ULK4: variants seen among roughly 807,000 people sequenced by gnomAD.
The protein encoded by ULK4 is unc-51 like kinase 4, also known as inactive serine/threonine-protein kinase ULK4.
ULK4 carries 133 observed loss-of-function variants against 160.6 expected under a neutral mutation model. The observed-to-expected ratio is 0.83, with a 90% CI of 0.72 to 0.96. The LOEUF is 0.96. Among genes scored for constraint, ULK4 ranks in the 40% least tolerant of loss-of-function variants. ULK4 has a pLI of 0.00. For synonymous variants in ULK4, 534 were observed against 539.8 expected (o/e 0.99, Z 0.15); for missense variants, 1,580 against 1,499.5 (o/e 1.05, Z -0.89).
chr3:41,474,183 T>C lies in ULK4; in HGVS notation c.3227-10930A>G, dbSNP rs148283451. Among the ~76,000 whole-genome samples the C allele has an allele frequency of 5.3e-3, 809 of 152,188 alleles. 8 individuals carry two copies. The highest frequency in any genetic ancestry group is 0.019 in the African/African-American group (780 of 41,514). ...AGACACATTGACCAGTAGAAAAGAA[T>C]AGAGAGCCCAGAAATGAAACACATG... is the stretch of plus-strand genomic sequence containing the variant. On this transcript the variant is annotated intron_variant, in intron 32 of 36. Coordinates refer to ENST00000301831, the MANE Select transcript of ULK4 (RefSeq NM_017886.4).
chr3:41,734,500 T>G (rs1214149607), intron 22 of ULK4, among the ~76,000 whole-genome samples: 1 of 152,082 alleles, frequency 6.6e-6, no homozygotes, highest in African/African-American at 2.4e-5. Context: ...GAAAAGTTCA[T>G]CTAAGTGTAT....
At chr3:41,411,420 C>CTTTTTT (rs556696303) in intron 34 of ULK4, among the ~76,000 whole-genome samples, 12 of 143,032 alleles carry the variant, frequency 8.4e-5, no homozygotes, top group Admixed American at 1.4e-4. Context: ...ACATTCCTTT[C>CTTTTTT]TTTTTTTTTT....
At chr3:41,943,600 C>T (rs144240004) in intron 2 of ULK4, among the ~76,000 whole-genome samples, 55 of 152,232 alleles carry the variant, frequency 3.6e-4, no homozygotes, top group African/African-American at 1.3e-3. Flanking sequence ...ACCATTCACA[C>T]CTCCTCTTTC....
In ULK4 at chr3:41,558,965, T is replaced by C. The variant is rs567150663; in HGVS notation, c.3226+7060A>G. 1.3e-4 allele frequency among the ~76,000 whole-genome samples: 17 copies of C among 135,714 alleles called. 2 individuals are homozygous for C. The highest frequency in any genetic ancestry group is 4.3e-4 in the East Asian group (2 of 4,674). The allele number at this position is 135,714 out of a possible 152,430, so 89.0% of individuals were successfully genotyped here. A position where few individuals can be genotyped will look rare whatever the true frequency, so the allele number is the denominator to read the frequency against. ...TATGTATACATGTGCCATGCTGGTG[T>C]GCTGCACCCATTAACTCATCATTTA... On this transcript the variant is annotated intron_variant, in intron 32 of 36. Transcript: ENST00000301831.
chr3:41,837,333 C>T (rs1223493551), intron 17 of ULK4, among the ~76,000 whole-genome samples: 7 of 152,130 alleles, frequency 4.6e-5, no homozygotes, highest in Non-Finnish European at 8.8e-5. Flanking sequence ...ATCAAGATAA[C>T]AAAAGCCCTC....
intron 22 of ULK4, among the ~76,000 whole-genome samples, chr3:41,726,494 G>A (rs73828237): frequency 9.8e-5 from 15 of 152,302 alleles, no homozygotes; most frequent in East Asian, 5.8e-4. Context: ...AGCGTTCTAC[G>A]AAAAGCAGCA....
At chr3:41,668,036 T>C (rs1413932364) in intron 29 of ULK4, among the ~76,000 whole-genome samples, 2 of 152,162 alleles carry the variant, frequency 1.3e-5, no homozygotes, top group Non-Finnish European at 2.9e-5. Context: ...TGAGAAAATA[T>C]TCTGAGGTAT....
intron 29 of ULK4, among the ~76,000 whole-genome samples, 194 bp from the exon 30 acceptor site, chr3:41,663,893 A>T (rs1033590657): frequency 2.0e-5 from 3 of 152,224 alleles, no homozygotes; most frequent in African/African-American, 7.2e-5. Context: ...TTGAAATAAG[A>T]GAATAAACCA....
In ULK4 at chr3:41,607,769, G is replaced by C. The variant is rs947311567; in HGVS notation, c.3120+7900C>G. ...ATAAATATTACATGGTCATTAAATA[G>C]AATAAAAAATACCCATGGGCATACA... On this transcript the variant is annotated intron_variant, in intron 31 of 36. Coordinates refer to ENST00000301831, the MANE Select transcript of ULK4 (RefSeq NM_017886.4). 2.0e-5 allele frequency among the ~76,000 whole-genome samples: 3 copies of C among 152,106 alleles called. No individual in the cohort carries two copies. In the South Asian group the frequency reaches 6.2e-4, roughly 32 times the overall value.
At chr3:41,373,388 T>C (rs2081412564) in intron 35 of ULK4, among the ~76,000 whole-genome samples, 1 of 152,068 alleles carries the variant, frequency 6.6e-6, no homozygotes, top group Admixed American at 6.6e-5. Context: ...TAATTGGAAG[T>C]AAACACTCCT....
chr3:41,945,071 T>A (rs893882499), intron 2 of ULK4, among the ~76,000 whole-genome samples: 7 of 152,172 alleles, frequency 4.6e-5, no homozygotes, highest in South Asian at 4.1e-4. Context: ...TGGAAAGAAT[T>A]CCCAAAACCA....
intron 31 of ULK4, among the ~76,000 whole-genome samples, chr3:41,597,760 G>A (rs1232484742): frequency 6.6e-6 from 1 of 152,104 alleles, no homozygotes; most frequent in African/African-American, 2.4e-5. Context: ...AATTCTTAAG[G>A]AAGACAAAAA....
chr3:41,734,463 G>T (rs534820105), intron 22 of ULK4, among the ~76,000 whole-genome samples: 1 of 152,090 alleles, frequency 6.6e-6, no homozygotes, highest in Non-Finnish European at 1.5e-5. Context: ...AATTGAATAC[G>T]TTAAGATAAT....
At chr3:41,509,157 C>T (rs1232249748) in intron 32 of ULK4, among the ~76,000 whole-genome samples, 1 of 151,964 alleles carries the variant, frequency 6.6e-6, no homozygotes, top group Non-Finnish European at 1.5e-5. Context: ...ATGAAGAACA[C>T]ACTTAGAGAA....
chr3:41,918,570 A>G, intron 6 of ULK4, 30 bp from the exon 7 acceptor site: 1 of 1,168,098 alleles, frequency 8.6e-7, no homozygotes, highest in Non-Finnish European at 1.2e-6. Context: ...TGCAAAATGA[A>G]AGAAGTCTGC....
rs1268767147 is a variant in ULK4 at position 41,455,537 on chromosome 3, T to C, written c.3452A>G (p.Asn1151Ser). Residue 1151 changes from asparagine to serine, a missense_variant, in exon 34 of 37, where the codon AAC (asparagine) becomes AGC (serine). Transcript: ENST00000301831. Reference sequence around the variant, plus strand: ...GCTAATCAGGTCTGTCAGAGGTCTGTTGAGCAGCAGCAGGTCTTCTGCAGC... The same window carrying C: ...GCTAATCAGGTCTGTCAGAGGTCTGCTGAGCAGCAGCAGGTCTTCTGCAGC... The part of the protein sequence containing the change: ...PQAAEDLLLL[N>S]RPLTDLISLL... The C allele has an allele frequency of 1.4e-5, 23 of 1,613,914 alleles. No homozygotes were observed. The highest frequency in any genetic ancestry group is 5.3e-5 in the African/African-American group (4 of 74,900).
chr3:41,293,870 T>C (rs1268487237), intron 35 of ULK4, among the ~76,000 whole-genome samples: 1 of 152,214 alleles, frequency 6.6e-6, no homozygotes, highest in Non-Finnish European at 1.5e-5. Context: ...ATGGCAAAAG[T>C]GACATTTCAT....
chr3:41,352,161 T>A (rs1271155959), intron 35 of ULK4, among the ~76,000 whole-genome samples: 3 of 152,212 alleles, frequency 2.0e-5, no homozygotes, highest in Non-Finnish European at 2.9e-5. Context: ...GGCCATGGCC[T>A]CATACTCTTC....
At chr3:41,815,249 T>G (rs1427018802) in intron 19 of ULK4, among the ~76,000 whole-genome samples, 2 of 152,226 alleles carry the variant, frequency 1.3e-5, no homozygotes, top group Admixed American at 1.3e-4. Context: ...TTCAGTCCAT[T>G]TACATTTATT....
Sources: allele counts gnomAD v4.1 joint callset (sites outside exome capture counted in the v4.1 genomes callset), GRCh38; gene constraint gnomAD v4.1.1; transcripts MANE v1.5; gene names NCBI Gene and HGNC (gene_info 2026-07-23, HGNC 2026-07-21).